The following CHD9 variants were observed in gnomAD, a reference collection of about 807,000 sequenced individuals.
CHD9 encodes the protein ATP-dependent chromatin remodeler CHD9.
CHD9 carries 77 observed loss-of-function variants against 316.1 expected under a neutral mutation model. The ratio of observed to expected loss-of-function variants is 0.24; its 90% CI spans 0.20 to 0.29. The LOEUF (loss-of-function observed/expected upper bound fraction) is 0.29, where lower values mean the gene tolerates loss of function less well. CHD9 is among the 10% of genes least tolerant of loss of function. The pLI, the probability that CHD9 is intolerant of heterozygous loss-of-function variation, is 1.00. For synonymous variants in CHD9, 1,129 were observed against 1,158.3 expected (o/e 0.97, Z 0.51); for missense variants, 2,763 against 3,438.1 (o/e 0.80, Z 4.91).
intron 19 of CHD9, among the ~76,000 whole-genome samples, chr16:53,256,725 C>T (rs2050642336): frequency 6.7e-6 from 1 of 149,208 alleles, no homozygotes; most frequent in Non-Finnish European, 1.5e-5. Context: ...TTGGAGTATT[C>T]TGTCTCACCT....
At chr16:53,321,749 T>C in intron 38 of CHD9, 119 bp downstream of exon 38, 1 of 617,238 alleles carries the variant, frequency 1.6e-6, no homozygotes, top group Non-Finnish European at 2.5e-6. Context: ...CATTTTTCAG[T>C]TTGCAATTTT....
At chr16:53,162,102 C>A (rs546825478) in intron 2 of CHD9, among the ~76,000 whole-genome samples, 1 of 152,292 alleles carries the variant, frequency 6.6e-6, no homozygotes, top group South Asian at 2.1e-4. Context: ...GTAGATATCA[C>A]TTCAAATATC....
chr16:53,322,128 G>A (rs546585439), intron 38 of CHD9, among the ~76,000 whole-genome samples: 78 of 150,968 alleles, frequency 5.2e-4, no homozygotes, highest in Admixed American at 1.5e-3. Flanking sequence ...CTTCCAAGTA[G>A]CTGGGACAAT....
chr16:53,306,278 G>C lies in CHD9; in HGVS notation c.6661G>C (p.Ala2221Pro), dbSNP rs752534215. 6.3e-7 allele frequency: 1 copy of C among 1,592,946 alleles called. No homozygotes were observed. The highest frequency in any genetic ancestry group is 1.8e-5 in the Admixed American group (1 of 55,468). The stretch of plus-strand genomic sequence containing the variant: ...GAAAGCCTATGATGAAGAAAGCGTC[G>C]CGTCACTGAGCACTACCCAGGATGA... Reference protein sequence around the residue: ...HMKAYDEESVASLSTTQDETQ... With the variant: ...HMKAYDEESVPSLSTTQDETQ... The change falls in exon 32 of 39, where the codon GCG becomes CCG. Residue 2221 changes from alanine (A) to proline (P), a missense_variant. This residue lies in a region of CHD9 where 663 missense variants were observed against 751.2 expected (regional missense o/e 0.88). Transcript: ENST00000447540.
At chr16:53,055,832 AG>A (rs1177392736) in intron 1 of CHD9, among the ~76,000 whole-genome samples, 1 of 152,194 alleles carries the variant, frequency 6.6e-6, no homozygotes, top group African/African-American at 2.4e-5. Flanking sequence ...AAAGTGGACA[AG>A]GAACAGAAAG....
At chr16:53,169,069 G>A (rs1204650022) in intron 2 of CHD9, 1 of 152,100 alleles carries the variant, frequency 6.6e-6, no homozygotes, top group Admixed American at 6.6e-5. Context: ...AAATTAACTG[G>A]GCGTTGTGGT....
At chr16:53,065,471 A>G (rs966001432) in intron 1 of CHD9, among the ~76,000 whole-genome samples, 1 of 151,784 alleles carries the variant, frequency 6.6e-6, no homozygotes, top group Non-Finnish European at 1.5e-5. Flanking sequence ...CCATCTCTAC[A>G]AAAAAATTTA....
intron 29 of CHD9, among the ~76,000 whole-genome samples, chr16:53,296,167 C>T (rs939618073): frequency 6.6e-6 from 1 of 152,166 alleles, no homozygotes; most frequent in African/African-American, 2.4e-5. Context: ...ACTGATCCTT[C>T]TATCTTCTAT....
chr16:53,234,159 T>C (rs2048416032), intron 10 of CHD9, among the ~76,000 whole-genome samples: 1 of 152,230 alleles, frequency 6.6e-6, no homozygotes, highest in Admixed American at 6.5e-5. Context: ...TTTAAAAATA[T>C]ATTCATGATT....
intron 1 of CHD9, among the ~76,000 whole-genome samples, chr16:53,098,101 C>A (rs1267538094): frequency 1.3e-5 from 2 of 151,662 alleles, no homozygotes; most frequent in African/African-American, 4.9e-5. Context: ...GCCTGGGGGA[C>A]AAGAGCGAGA....
At chr16:53,129,400 T>TA (rs1327259612) in intron 1 of CHD9, among the ~76,000 whole-genome samples, 1 of 152,242 alleles carries the variant, frequency 6.6e-6, no homozygotes, top group Non-Finnish European at 1.5e-5. Context: ...ATGTGGTTGT[T>TA]ATAAGTATCC....
chr16:53,188,754 C>G (rs1315486570), intron 2 of CHD9, among the ~76,000 whole-genome samples: 1 of 151,536 alleles, frequency 6.6e-6, no homozygotes, highest in Non-Finnish European at 1.5e-5. Context: ...GCCACCACGC[C>G]TGGCTAATTT....
At chr16:53,207,548 C>A (rs2045982395) in intron 2 of CHD9, among the ~76,000 whole-genome samples, 1 of 152,152 alleles carries the variant, frequency 6.6e-6, no homozygotes, top group Non-Finnish European at 1.5e-5. Flanking sequence ...CAAAATAACA[C>A]TGTTAGCTTT....
At chr16:53,170,284 AAT>A (rs1325227318) in intron 2 of CHD9, among the ~76,000 whole-genome samples, 5 of 152,136 alleles carry the variant, frequency 3.3e-5, no homozygotes, top group African/African-American at 1.2e-4. Flanking sequence ...ATTGTACTAT[AAT>A]ATGTTATAAA....
At chr16:53,162,835 T>C (rs1057380526) in intron 2 of CHD9, among the ~76,000 whole-genome samples, 2 of 148,164 alleles carry the variant, frequency 1.3e-5, no homozygotes, top group African/African-American at 5.0e-5. Flanking sequence ...CAGACTGGAG[T>C]GCAGTGGGGC....
chr16:53,125,673 A>G (rs1002977547), intron 1 of CHD9, among the ~76,000 whole-genome samples: 1 of 152,240 alleles, frequency 6.6e-6, no homozygotes, highest in Non-Finnish European at 1.5e-5. Flanking sequence ...CTTAGCTTTC[A>G]GTCAGCCACA....
chr16:53,262,926 G>T, intron 19 of CHD9, 61 bp from the exon 20 acceptor site: 1 of 1,246,358 alleles, frequency 8.0e-7, no homozygotes, highest in Non-Finnish European at 1.2e-6. Flanking sequence ...AATGTGAGGA[G>T]ATAATGTTTT....
chr16:53,082,928 T>G (rs1469677858), intron 1 of CHD9, among the ~76,000 whole-genome samples: 2 of 152,248 alleles, frequency 1.3e-5, no homozygotes, highest in East Asian at 1.9e-4. Context: ...CTCACCCTGC[T>G]GAACTGTGGT....
intron 1 of CHD9, among the ~76,000 whole-genome samples, chr16:53,061,011 C>T (rs1479107646): frequency 1.3e-5 from 2 of 151,160 alleles, no homozygotes; most frequent in Non-Finnish European, 2.9e-5. Context: ...CTGCAACCTC[C>T]GCCCCCCCGG....
Sources: gnomAD v4.1 joint callset for allele counts (sites outside exome capture counted in the v4.1 genomes callset) on GRCh38, gnomAD v4.1.1 for gene constraint, gnomAD v4.1.1 regional missense constraint, MANE v1.5 for transcripts, NCBI Gene and HGNC (gene_info 2026-07-23, HGNC 2026-07-21) for gene names.